Variants in C8orf74 observed in about 807,000 individuals in gnomAD.
The protein encoded by C8orf74 is uncharacterized protein C8orf74.
Under a neutral mutation model 22.2 loss-of-function variants are expected in C8orf74, and 29 were observed. That is an observed-to-expected ratio of 1.31 (90% CI 0.97 to 1.78). The LOEUF is 1.78. C8orf74 is among the 40% of genes most tolerant of loss of function. The probability of loss-of-function intolerance (pLI) is 0.00; values close to 1 mark genes in which losing one functional copy is unlikely to be tolerated. For synonymous variants in C8orf74, 255 were observed against 163.1 expected, an observed-to-expected ratio of 1.56 and a Z score of -4.30; for missense variants, 515 against 369.9, an observed-to-expected ratio of 1.39 and a Z score of -3.22.
At chr8:10,673,697 G>C (rs979849347) in intron 1 of C8orf74, 1 of 153,910 alleles carries the variant, frequency 6.5e-6, no homozygotes, top group Non-Finnish European at 1.5e-5. Context: ...TAGAAGAAGA[G>C]CAAGTCCCAG....
At chr8:10,694,243 A>G (rs11996795) in intron 2 of C8orf74, among the ~76,000 whole-genome samples, 16,391 of 152,124 alleles carry the variant, frequency 0.11, 2,499 homozygotes, top group African/African-American at 0.34. Context: ...CCAGAATCTT[A>G]CATAGTGCCG....
At chr8:10,695,041 G>T (rs540433911) in intron 2 of C8orf74, among the ~76,000 whole-genome samples, 1 of 151,996 alleles carries the variant, frequency 6.6e-6, no homozygotes, top group South Asian at 2.1e-4. Context: ...ATGGATGAAT[G>T]GAAAGATGGA....
intron 2 of C8orf74, among the ~76,000 whole-genome samples, chr8:10,695,169 G>A (rs186428879): frequency 6.6e-6 from 1 of 152,274 alleles, no homozygotes; most frequent in Admixed American, 6.5e-5. Context: ...ATTGATTGCT[G>A]GCTTGTATTA....
chr8:10,691,007 G>A (rs1306589917), intron 2 of C8orf74: 1 of 448,788 alleles, frequency 2.2e-6, no homozygotes, highest in East Asian at 7.0e-5. Flanking sequence ...TTCTCCCTGA[G>A]ACTTAATCCC....
At chr8:10,674,146 A>T (rs1462875480) in intron 1 of C8orf74, among the ~76,000 whole-genome samples, 3 of 58,248 alleles carry the variant, frequency 5.2e-5, no homozygotes, top group Non-Finnish European at 9.5e-5. Context: ...CCCACAGACC[A>T]CACATCACAC....
At chr8:10,693,178 G>A (rs10086875) in intron 2 of C8orf74, among the ~76,000 whole-genome samples, 15,042 of 152,124 alleles carry the variant, frequency 0.099, 2,432 homozygotes, top group African/African-American at 0.34. Flanking sequence ...CTTCCTCCCC[G>A]ACCTTTCAGT....
chr8:10,673,237 G>C (rs947062052), intron 1 of C8orf74, among the ~76,000 whole-genome samples: 1 of 152,120 alleles, frequency 6.6e-6, no homozygotes, highest in Admixed American at 6.5e-5. Flanking sequence ...CGTGTGGTGG[G>C]TGGGTCTCTG....
At chr8:10,676,626 C>G (rs1431539126) in intron 2 of C8orf74, among the ~76,000 whole-genome samples, 1 of 152,142 alleles carries the variant, frequency 6.6e-6, no homozygotes, top group Non-Finnish European at 1.5e-5. Context: ...GCGTTCCCAC[C>G]CAGTGGTCCC....
intron 2 of C8orf74, among the ~76,000 whole-genome samples, chr8:10,683,494 G>A (rs550972844): frequency 6.6e-6 from 1 of 152,226 alleles, no homozygotes; most frequent in Non-Finnish European, 1.5e-5. Flanking sequence ...TCTCAGGCTG[G>A]GAATGGCACT....
At chr8:10,679,477 T>A (rs7837454) in intron 2 of C8orf74, among the ~76,000 whole-genome samples, 152,118 of 152,314 alleles carry the variant, frequency 1, 75,962 homozygotes, top group Middle Eastern at 1. Context: ...TTCTCTGGTG[T>A]CATCCAAGTG....
intron 2 of C8orf74, among the ~76,000 whole-genome samples, chr8:10,678,489 G>A (rs1339368237): frequency 6.6e-6 from 1 of 151,982 alleles, no homozygotes; most frequent in Non-Finnish European, 1.5e-5. Context: ...ACGAGGCCCA[G>A]TAGACACGTG....
intron 2 of C8orf74, among the ~76,000 whole-genome samples, chr8:10,683,030 G>A (rs903816372): frequency 4.6e-5 from 7 of 152,234 alleles, no homozygotes; most frequent in African/African-American, 2.4e-5. Context: ...CCACCCAGCT[G>A]AGTGACTTTT....
chr8:10,676,410 C>T (rs888509918), intron 2 of C8orf74, among the ~76,000 whole-genome samples: 13 of 152,154 alleles, frequency 8.5e-5, no homozygotes, highest in South Asian at 4.1e-4. Context: ...CATTTCCACC[C>T]CCCTCTCTTG....
chr8:10,695,097 G>A (rs1402318291), intron 2 of C8orf74, among the ~76,000 whole-genome samples: 1 of 152,058 alleles, frequency 6.6e-6, no homozygotes, highest in Non-Finnish European at 1.5e-5. Flanking sequence ...GGATGGGGGA[G>A]GGGAAGGGGA....
At chr8:10,689,606 T>C (rs577680217) in intron 2 of C8orf74, 2 of 152,326 alleles carry the variant, frequency 1.3e-5, no homozygotes, top group South Asian at 2.1e-4. Flanking sequence ...TGAAAACCCA[T>C]GTGTAACTTT....
intron 2 of C8orf74, among the ~76,000 whole-genome samples, chr8:10,685,409 T>A (rs919584202): frequency 6.6e-6 from 1 of 152,210 alleles, no homozygotes; most frequent in African/African-American, 2.4e-5. Flanking sequence ...CATGGATGGA[T>A]GAATGGATAA....
chr8:10,697,927 C>G lies in C8orf74; in HGVS notation c.570C>G (p.Arg190=), dbSNP rs994460336. 2 of 1,595,098 alleles carry G rather than the reference C, an allele frequency of 1.3e-6. No individual in the cohort carries two copies. Among genetic ancestry groups the G allele is most frequent in the Non-Finnish European group, 1.7e-6 (2 of 1,171,164 alleles). Residue 190 remains arginine (R), a synonymous_variant, in exon 3 of 4, where the codon CGC becomes CGG. Transcript: ENST00000304519. ...TGCTGCTCCTGAAAGAGGCGCTGCGCCTGGAGCGGGAGAACTCGCTGCAGA... is the reference window on the plus strand; with the variant it reads ...TGCTGCTCCTGAAAGAGGCGCTGCGGCTGGAGCGGGAGAACTCGCTGCAGA... ...ADVLLLKEAL[R]LERENSLQKA... is the part of the protein sequence containing the mutation.
chr8:10,684,070 A>G (rs1799211324), intron 2 of C8orf74, among the ~76,000 whole-genome samples: 1 of 152,134 alleles, frequency 6.6e-6, no homozygotes, highest in Non-Finnish European at 1.5e-5. Context: ...GGACCAGGGA[A>G]GGGGATGATG....
chr8:10,680,921 G>A (rs1022607323), intron 2 of C8orf74, among the ~76,000 whole-genome samples: 1 of 152,118 alleles, frequency 6.6e-6, no homozygotes, highest in African/African-American at 2.4e-5. Context: ...GGCAGGAGCG[G>A]GGGTCCTCTG....
Sources: allele counts gnomAD v4.1 joint callset (sites outside exome capture counted in the v4.1 genomes callset), GRCh38; gene constraint gnomAD v4.1.1; transcripts MANE v1.5; gene names NCBI Gene and HGNC (gene_info 2026-07-23, HGNC 2026-07-21).